KDM4C: variants seen among roughly 807,000 people sequenced by gnomAD.
The protein encoded by KDM4C is lysine demethylase 4C, also known as lysine-specific demethylase 4C.
Under a neutral mutation model 129.3 loss-of-function variants are expected in KDM4C, and 81 were observed. The ratio of observed to expected loss-of-function variants is 0.63; its 90% CI spans 0.52 to 0.75. The LOEUF is 0.75. Among genes scored for constraint, KDM4C ranks in the 30% least tolerant of loss-of-function variants. The pLI is 0.00. For missense variants in KDM4C, 1,457 were observed against 1,304.0 expected, an observed-to-expected ratio of 1.12 and a Z score of -1.81; for synonymous variants, 573 against 456.1, an observed-to-expected ratio of 1.26 and a Z score of -3.26.
chr9:6,919,259 C>CT (rs781746284), intron 8 of KDM4C, among the ~76,000 whole-genome samples: 313 of 135,704 alleles, frequency 2.3e-3, no homozygotes, highest in South Asian at 4.4e-3. Context: ...TTCTTTCTTT[C>CT]TTTCTTTCTT....
At chr9:6,964,238 C>G (rs918783228) in intron 8 of KDM4C, among the ~76,000 whole-genome samples, 1 of 146,576 alleles carries the variant, frequency 6.8e-6, no homozygotes, top group East Asian at 2.2e-4. Flanking sequence ...ATCCCTCCCC[C>G]CTCCCCTGAC....
chr9:6,811,553 AC>A (rs1831149638), intron 3 of KDM4C, among the ~76,000 whole-genome samples: 1 of 152,092 alleles, frequency 6.6e-6, no homozygotes, highest in South Asian at 2.1e-4. Flanking sequence ...TCCAAAGAAA[AC>A]CTAGAGATTT....
rs115162172 is a variant in KDM4C at position 7,053,457 on chromosome 9, T to C, written c.2424+4257T>C. ...AAGCCTTTTGGTGCTCTTCTGTGGA[T>C]TTATTGATCCTAAAATGGTGTGTGC... On this transcript the variant is annotated intron_variant, in intron 17 of 21. Coordinates refer to ENST00000381309, the MANE Select transcript of KDM4C (RefSeq NM_015061.6). Among the ~76,000 whole-genome samples the C allele has an allele frequency of 9.2e-3, 1,394 of 152,288 alleles. 23 individuals carry two copies. The highest frequency in any genetic ancestry group is 0.029 in the African/African-American group (1,212 of 41,558).
intron 4 of KDM4C, among the ~76,000 whole-genome samples, chr9:6,824,435 T>A (rs1833549654): frequency 6.6e-6 from 1 of 152,144 alleles, no homozygotes; most frequent in Non-Finnish European, 1.5e-5. Flanking sequence ...TGAAGAGGGT[T>A]CAGGTGAGCT....
Position 6,831,559 on chromosome 9 carries a change from T to C in KDM4C, c.435+16814T>C, listed in dbSNP as rs569649940. On this transcript the variant is annotated intron_variant, in intron 4 of 21. Transcript: ENST00000381309. ...GGTTTCACCATGTTGGCCAGGCTGGTCTCGAACTGCTGACCTCAGGTAATC... is the reference window on the plus strand; with the variant it reads ...GGTTTCACCATGTTGGCCAGGCTGGCCTCGAACTGCTGACCTCAGGTAATC... Among the ~76,000 whole-genome samples the C allele has an allele frequency of 6.6e-5, 10 of 152,226 alleles. 1 individual carries two copies. The South Asian group carries it at 2.1e-3, about 32-fold the overall frequency.
At chr9:7,044,729 G>T (rs902852519) in intron 15 of KDM4C, among the ~76,000 whole-genome samples, 1 of 151,978 alleles carries the variant, frequency 6.6e-6, no homozygotes, top group Non-Finnish European at 1.5e-5. Flanking sequence ...AGGGAATTAA[G>T]GTGTGAGCCA....
At chr9:7,119,168 T>A (rs1300009634) in intron 18 of KDM4C, among the ~76,000 whole-genome samples, 2 of 152,144 alleles carry the variant, frequency 1.3e-5, no homozygotes, top group Non-Finnish European at 2.9e-5. Context: ...ATAAGGTGCC[T>A]TCATTGAGTT....
intron 8 of KDM4C, among the ~76,000 whole-genome samples, chr9:6,964,955 A>G (rs544467846): frequency 2.6e-4 from 38 of 146,322 alleles, no homozygotes; most frequent in South Asian, 1.3e-3. Flanking sequence ...CTTCGTCGGG[A>G]AAAAAAAAAA....
At chr9:6,756,228 G>C (rs1043805625), upstream of KDM4C, among the ~76,000 whole-genome samples, 2 of 152,134 alleles carry the variant, frequency 1.3e-5, no homozygotes, top group African/African-American at 4.8e-5. Flanking sequence ...CCTATTCATT[G>C]AATTATTATA....
At chr9:7,146,199 A>C (rs1842199217) in intron 19 of KDM4C, among the ~76,000 whole-genome samples, 1 of 152,270 alleles carries the variant, frequency 6.6e-6, no homozygotes, top group South Asian at 2.1e-4. Context: ...TAAATATGCA[A>C]GGGAAAAATC....
chr9:6,816,529 C>T (rs9644889), intron 4 of KDM4C, among the ~76,000 whole-genome samples: 62,244 of 151,610 alleles, frequency 0.41, 12,977 homozygotes, highest in East Asian at 0.61. Context: ...ATTCAGTGTG[C>T]ATTCTTTTAT....
chr9:6,884,288 C>T (rs1844918727), intron 6 of KDM4C, among the ~76,000 whole-genome samples: 1 of 152,170 alleles, frequency 6.6e-6, no homozygotes. Flanking sequence ...TCATGTCAAC[C>T]TCTCAAGTAG....
chr9:6,864,297 A>G (rs998440055), intron 5 of KDM4C, among the ~76,000 whole-genome samples: 5 of 152,084 alleles, frequency 3.3e-5, no homozygotes, highest in Non-Finnish European at 5.9e-5. Flanking sequence ...GACAATCCCC[A>G]TTTTTCAGCA....
intron 1 of KDM4C, among the ~76,000 whole-genome samples, chr9:6,790,059 G>A (rs117731259): frequency 2.0e-5 from 3 of 150,534 alleles, no homozygotes; most frequent in Non-Finnish European, 4.4e-5. Flanking sequence ...GGGATCGCCT[G>A]AGGTCAGGAG....
chr9:7,114,708 CT>C (rs1275159341), intron 18 of KDM4C, among the ~76,000 whole-genome samples: 1 of 152,116 alleles, frequency 6.6e-6, no homozygotes, highest in African/African-American at 2.4e-5. Flanking sequence ...TGTCAGTGCT[CT>C]GTTTTATGCT....
chr9:6,897,411 CTT>C (rs567811206), intron 8 of KDM4C, among the ~76,000 whole-genome samples: 335 of 152,322 alleles, frequency 2.2e-3, no homozygotes, highest in African/African-American at 7.7e-3. Context: ...ATTCTGCTCT[CTT>C]GTCTTAACTT....
intron 2 of KDM4C, among the ~76,000 whole-genome samples, chr9:6,797,415 AT>A (rs1827948587): frequency 6.6e-6 from 1 of 152,058 alleles, no homozygotes; most frequent in African/African-American, 2.4e-5. Context: ...TCTCTTTCCC[AT>A]TTTTTAGATT....
At chr9:6,823,321 G>T (rs989329890) in intron 4 of KDM4C, among the ~76,000 whole-genome samples, 1 of 152,174 alleles carries the variant, frequency 6.6e-6, no homozygotes, top group African/African-American at 2.4e-5. Context: ...CCAAAAGGGG[G>T]TAGCTTATCC....
chr9:6,898,390 A>T (rs796486459), intron 8 of KDM4C, among the ~76,000 whole-genome samples: 7 of 152,316 alleles, frequency 4.6e-5, no homozygotes, highest in African/African-American at 1.7e-4. Context: ...GTGTGCAGTG[A>T]AAGAGACTTA....
Sources: gnomAD v4.1 joint callset for allele counts (sites outside exome capture counted in the v4.1 genomes callset) on GRCh38, gnomAD v4.1.1 for gene constraint, MANE v1.5 for transcripts, NCBI Gene and HGNC (gene_info 2026-07-23, HGNC 2026-07-21) for gene names.